GUCY1B1: variants seen among roughly 807,000 people sequenced by gnomAD.
GUCY1B1 encodes the protein guanylate cyclase 1 soluble subunit beta 1, also known as guanylate cyclase soluble subunit beta-1.
A neutral mutation model predicts 71.0 loss-of-function variants in GUCY1B1; 43 were observed. The observed-to-expected ratio is 0.61, with a 90% CI of 0.47 to 0.78. The LOEUF (loss-of-function observed/expected upper bound fraction) is 0.78, where lower values mean the gene tolerates loss of function less well. Among genes scored for constraint, GUCY1B1 ranks in the 30% least tolerant of loss-of-function variants. The probability of loss-of-function intolerance (pLI) is 0.00; values close to 1 mark genes in which losing one functional copy is unlikely to be tolerated. For synonymous variants in GUCY1B1, 266 were observed against 259.7 expected (o/e 1.02, Z -0.23); for missense variants, 535 against 754.1 (o/e 0.71, Z 3.40).
At chr4:155,765,032 T>TAA (rs200993345) in intron 2 of GUCY1B1, among the ~76,000 whole-genome samples, 2 of 150,020 alleles carry the variant, frequency 1.3e-5, no homozygotes, top group South Asian at 2.1e-4. Context: ...TTTTGAGAAT[T>TAA]AAAAAAAAAA....
Position 155,802,647 on chromosome 4 carries a change from GC to G in GUCY1B1, c.1413+70del. On this transcript the variant is annotated intron_variant, in intron 10 of 13. Transcript: ENST00000264424. The surrounding 1 kb of genome is among the most constrained non-coding windows in gnomAD (Gnocchi z 4.3). ...GGCGTTCTGAGACTCCCCTCCAGAGGCCATGTCATCACAGCTCTCTGACTCC... is the reference window on the plus strand; with the variant it reads ...GGCGTTCTGAGACTCCCCTCCAGAGGCATGTCATCACAGCTCTCTGACTCC... The G allele has an allele frequency of 7.2e-7, 1 of 1,385,732 alleles. No homozygotes were observed. Among genetic ancestry groups the G allele is most frequent in the Non-Finnish European group, 9.7e-7 (1 of 1,028,480 alleles). The allele number at this position is 1,385,732 out of a possible 1,614,324, so 85.8% of individuals were successfully genotyped here.
chr4:155,802,633 A>G lies in GUCY1B1; in HGVS notation c.1413+54A>G, dbSNP rs1017745064. ...GCTATCCAGAGGCTGGCGTTCTGAGACTCCCCTCCAGAGGCCATGTCATCA... is the reference window on the plus strand; with the variant it reads ...GCTATCCAGAGGCTGGCGTTCTGAGGCTCCCCTCCAGAGGCCATGTCATCA... On this transcript the variant is annotated intron_variant, in intron 10 of 13. Coordinates refer to ENST00000264424, the MANE Select transcript of GUCY1B1 (RefSeq NM_000857.5). This position sits in a 1 kb window ranked among gnomAD's most constrained non-coding sequence, Gnocchi z 4.3. 1 of 1,465,352 alleles carries G rather than the reference A, an allele frequency of 6.8e-7. No homozygotes were observed. The highest frequency in any genetic ancestry group is 9.1e-7 in the Non-Finnish European group (1 of 1,096,148). 90.8% of individuals were successfully genotyped at this position (1,465,352 alleles called of 1,614,324 possible). A position where few individuals can be genotyped will look rare whatever the true frequency, so the allele number is the denominator to read the frequency against.
At chr4:155,763,947 A>T in intron 2 of GUCY1B1, among the ~76,000 whole-genome samples, 1 of 152,106 alleles carries the variant, frequency 6.6e-6, no homozygotes, top group African/African-American at 2.4e-5. Flanking sequence ...TCCCCAATTT[A>T]CTTGAAAGAT....
chr4:155,762,602 T>A (rs1399749417), intron 2 of GUCY1B1, among the ~76,000 whole-genome samples: 1 of 152,152 alleles, frequency 6.6e-6, no homozygotes, highest in East Asian at 1.9e-4. Context: ...CCACTTACAC[T>A]CTTACCAACA....
intron 8 of GUCY1B1, 137 bp downstream of exon 8, chr4:155,796,647 A>G (rs1739577416): frequency 3.3e-6 from 2 of 606,056 alleles, no homozygotes; most frequent in Non-Finnish European, 5.7e-6. Context: ...GTTGTGTATT[A>G]CTTTATAACA....
At chr4:155,792,214 T>G (rs1393531649) in intron 5 of GUCY1B1, among the ~76,000 whole-genome samples, 2 of 152,186 alleles carry the variant, frequency 1.3e-5, no homozygotes, top group Admixed American at 1.3e-4. Context: ...TGGTTAATAC[T>G]AGATCATGTC....
chr4:155,799,950 G>A lies in GUCY1B1; in HGVS notation c.1051G>A (p.Asp351Asn), dbSNP rs749524645. Residue 351 changes from aspartate (D) to asparagine (N), a missense_variant, in exon 9 of 14, where the codon GAT (aspartate) becomes AAT (asparagine). Coordinates refer to ENST00000264424, the MANE Select transcript of GUCY1B1 (RefSeq NM_000857.5). ...CATCCCTCTGCATGATGCCACGCGC[G>A]ATCTTGTTCTTTTGGGAGAACAATT... ...SDIPLHDATR[D>N]LVLLGEQFRE... is the part of the protein sequence containing the mutation. 1.2e-6 allele frequency: 2 copies of A among 1,613,112 alleles called. No individual in the cohort carries two copies. The highest frequency in any genetic ancestry group is 1.1e-5 in the South Asian group (1 of 91,056).
chr4:155,789,011 C>A (rs188710126), intron 4 of GUCY1B1, among the ~76,000 whole-genome samples: 11 of 152,276 alleles, frequency 7.2e-5, no homozygotes, highest in African/African-American at 2.6e-4. Flanking sequence ...GGAAACGTGG[C>A]ATCTTCCAAA....
At chr4:155,766,297 T>C (rs1737329122) in intron 2 of GUCY1B1, among the ~76,000 whole-genome samples, 1 of 152,214 alleles carries the variant, frequency 6.6e-6, no homozygotes, top group South Asian at 2.1e-4. Context: ...CCAAGATTTA[T>C]TGAGATATAA....
intron 8 of GUCY1B1, among the ~76,000 whole-genome samples, chr4:155,797,473 T>C (rs568906621): frequency 4.6e-5 from 7 of 152,040 alleles, no homozygotes; most frequent in Non-Finnish European, 7.4e-5. Context: ...GGCACAGTAG[T>C]TCACACCTGT....
chr4:155,781,733 T>C (rs1452194375), intron 4 of GUCY1B1, among the ~76,000 whole-genome samples: 1 of 151,992 alleles, frequency 6.6e-6, no homozygotes, highest in Non-Finnish European at 1.5e-5. Context: ...AATACTCCTC[T>C]TCTCTAGGCA....
chr4:155,796,423 C>T lies in GUCY1B1; in HGVS notation c.890C>T (p.Thr297Ile). The change falls in exon 8 of 14, where the codon ACT becomes ATT. Residue 297 changes from threonine (T) to isoleucine (I), a missense_variant. Physicochemically the swap from Thr to Ile is moderately conservative, Grantham distance 89. Coordinates refer to ENST00000264424, the MANE Select transcript of GUCY1B1 (RefSeq NM_000857.5). ...AAATTAGAATGTGAGGATGAACTGACTGGGACTGAGATCAGCTGCTTACGT... is the reference window on the plus strand; with the variant it reads ...AAATTAGAATGTGAGGATGAACTGATTGGGACTGAGATCAGCTGCTTACGT... ...VEKLECEDEL[T>I]GTEISCLRLK... The T allele has an allele frequency of 6.2e-7, 1 of 1,612,756 alleles. No homozygotes were observed. The highest frequency in any genetic ancestry group is 8.5e-7 in the Non-Finnish European group (1 of 1,178,810).
At chr4:155,765,585 C>T (rs17033484) in intron 2 of GUCY1B1, among the ~76,000 whole-genome samples, 14,936 of 152,148 alleles carry the variant, frequency 0.098, 920 homozygotes, top group African/African-American at 0.18. Flanking sequence ...ATTGGACCTC[C>T]TCGTTACTGT....
At chr4:155,773,583 C>A (rs1358386026) in intron 2 of GUCY1B1, among the ~76,000 whole-genome samples, 1 of 152,140 alleles carries the variant, frequency 6.6e-6, no homozygotes, top group Non-Finnish European at 1.5e-5. Context: ...AGCTCTTGAC[C>A]TTGACCCCTT....
At chr4:155,795,000 C>A (rs1297308174) in intron 6 of GUCY1B1, among the ~76,000 whole-genome samples, 1 of 152,090 alleles carries the variant, frequency 6.6e-6, no homozygotes, top group African/African-American at 2.4e-5. Context: ...TCATTTCAAG[C>A]CATACACATT....
At chr4:155,798,926 C>A (rs13121370) in intron 8 of GUCY1B1, among the ~76,000 whole-genome samples, 2,837 of 152,286 alleles carry the variant, frequency 0.019, 42 homozygotes, top group South Asian at 0.042. Flanking sequence ...CAGCCTCCTG[C>A]TCCCGGGTTC....
intron 4 of GUCY1B1, among the ~76,000 whole-genome samples, chr4:155,782,846 T>C (rs1176941615): frequency 6.6e-6 from 1 of 152,152 alleles, no homozygotes; most frequent in African/African-American, 2.4e-5. Context: ...ACAAGCCACA[T>C]GGAGAGGCCA....
At chr4:155,782,332 G>T (rs901666007) in intron 4 of GUCY1B1, among the ~76,000 whole-genome samples, 1 of 151,976 alleles carries the variant, frequency 6.6e-6, no homozygotes, top group East Asian at 1.9e-4. Flanking sequence ...CTCGTGATCC[G>T]CCCGCCTCGG....
chr4:155,804,724 A>G lies in GUCY1B1; in HGVS notation c.1686A>G (p.Ile562Met). 6.2e-7 allele frequency: 1 copy of G among 1,613,188 alleles called. No homozygotes were observed. The highest frequency in any genetic ancestry group is 1.7e-5 in the Admixed American group (1 of 59,880). The change falls in exon 12 of 14, where the codon ATA becomes ATG. Residue 562 changes from isoleucine to methionine, a missense_variant. By Grantham distance (10) the Ile-to-Met change is conservative. Transcript: ENST00000264424. ...AAACCACAGGAGAAAAGGGAAAAAT[A>G]AATGTGTCTGAATATACATACAGGT... is the stretch of plus-strand genomic sequence containing the variant. ...RTETTGEKGK[I>M]NVSEYTYRCL... is the part of the protein sequence containing the mutation.
Sources: gnomAD v4.1 joint callset for allele counts (sites outside exome capture counted in the v4.1 genomes callset) on GRCh38, gnomAD v4.1.1 for gene constraint, Gnocchi (gnomAD v3.1) non-coding constraint, MANE v1.5 for transcripts, NCBI Gene and HGNC (gene_info 2026-07-23, HGNC 2026-07-21) for gene names.